Variants in DCAF8L2 observed in about 807,000 individuals in gnomAD.
DCAF8L2 encodes the protein DDB1- and CUL4-associated factor 8-like protein 2.
For synonymous variants in DCAF8L2, 200 were observed against 190.9 expected (o/e 1.05, Z -0.39); for missense variants, 430 against 490.7 (o/e 0.88, Z 1.17).
chrX:27,645,853 A>G lies in DCAF8L2; in HGVS notation c.-220+13853A>G, dbSNP rs371521983. 9.9e-5 allele frequency among the ~76,000 whole-genome samples: 11 copies of G among 111,244 alleles called. No homozygotes were observed. The East Asian group carries it at 2.3e-3, about 23-fold the overall frequency. On this transcript the variant is annotated intron_variant, in intron 2 of 4. Transcript: ENST00000451261. ...GAATAAAACACCTAGGAACGCAGCT[A>G]ACAAAGGAAGTGAAGGACCTCTTCA...
At chrX:27,597,816 C>T in intron 1 of DCAF8L2, among the ~76,000 whole-genome samples, 1 of 112,286 alleles carries the variant, frequency 8.9e-6, no homozygotes, top group East Asian at 2.8e-4. Context: ...AGCCACGCTA[C>T]TTAGGTCAGA....
the DCAF8L2 span, among the ~76,000 whole-genome samples, chrX:27,580,506 C>T: frequency 9.0e-6 from 1 of 111,172 alleles, no homozygotes; most frequent in Non-Finnish European, 1.9e-5. Context: ...CTGTGCTGGA[C>T]ACTGAAAAAG....
At chrX:27,603,355 T>C (rs776614025) in intron 1 of DCAF8L2, among the ~76,000 whole-genome samples, 2 of 111,871 alleles carry the variant, frequency 1.8e-5, no homozygotes, top group African/African-American at 6.5e-5. Context: ...ACTATATTTT[T>C]GGCCTACAAA....
At chrX:27,511,828 G>A in the DCAF8L2 span, among the ~76,000 whole-genome samples, 1 of 112,233 alleles carries the variant, frequency 8.9e-6, no homozygotes, top group Admixed American at 9.5e-5. Flanking sequence ...GTGAAGACAA[G>A]AGTGGTTAAA....
intron 4 of DCAF8L2, among the ~76,000 whole-genome samples, chrX:27,735,184 T>G (rs1320896662): frequency 8.9e-6 from 1 of 111,940 alleles, no homozygotes; most frequent in Non-Finnish European, 1.9e-5. Context: ...TCTTTCTAAC[T>G]TTAAAATGAT....
At chrX:27,657,633 G>A (rs1929402140) in intron 2 of DCAF8L2, among the ~76,000 whole-genome samples, 1 of 111,665 alleles carries the variant, frequency 9.0e-6, no homozygotes. Flanking sequence ...CAAAAGTTCT[G>A]CTGAAATAAT....
At chrX:27,672,849 C>T (rs5971428) in intron 2 of DCAF8L2, among the ~76,000 whole-genome samples, 2,047 of 111,864 alleles carry the variant, frequency 0.018, 47 homozygotes, top group African/African-American at 0.061. Context: ...TTTGAATTTC[C>T]AGTTGGAGTG....
chrX:27,492,595 T>C, the DCAF8L2 span, among the ~76,000 whole-genome samples: 1 of 109,036 alleles, frequency 9.2e-6, no homozygotes, highest in Non-Finnish European at 1.9e-5. Context: ...TTCTCCTGCC[T>C]CAGCCTCCCA....
the DCAF8L2 span, among the ~76,000 whole-genome samples, chrX:27,479,002 C>T: frequency 2.7e-5 from 3 of 111,186 alleles, no homozygotes; most frequent in East Asian, 8.6e-4. Flanking sequence ...TAGAATATGA[C>T]AAAAGTGAGG....
chrX:27,530,006 A>G, the DCAF8L2 span, among the ~76,000 whole-genome samples: 1 of 112,134 alleles, frequency 8.9e-6, no homozygotes, highest in African/African-American at 3.2e-5. Flanking sequence ...GTGAAATTAA[A>G]TAGAAGCTTG....
At chrX:27,514,196 A>G in the DCAF8L2 span, among the ~76,000 whole-genome samples, 1 of 81,042 alleles carries the variant, frequency 1.2e-5, no homozygotes, top group Non-Finnish European at 2.3e-5. Context: ...CCGTGCACAC[A>G]TATGTACATG....
chrX:27,712,229 T>C (rs1234977583), intron 3 of DCAF8L2, among the ~76,000 whole-genome samples: 1 of 111,856 alleles, frequency 8.9e-6, no homozygotes, highest in African/African-American at 3.2e-5. Flanking sequence ...ATCTGTTGAC[T>C]GTCTTTTCCT....
chrX:27,539,441 G>A, the DCAF8L2 span, among the ~76,000 whole-genome samples: 1 of 111,119 alleles, frequency 9.0e-6, no homozygotes, highest in Non-Finnish European at 1.9e-5. Flanking sequence ...AAAAACTAGA[G>A]GGAGAGACAA....
the DCAF8L2 span, among the ~76,000 whole-genome samples, chrX:27,577,521 T>C: frequency 8.9e-6 from 1 of 111,835 alleles, no homozygotes; most frequent in Non-Finnish European, 1.9e-5. Flanking sequence ...ATGTAAATAT[T>C]AAAGACATAA....
chrX:27,611,242 T>A (rs1927149853), intron 1 of DCAF8L2, among the ~76,000 whole-genome samples: 1 of 110,965 alleles, frequency 9.0e-6, no homozygotes, highest in African/African-American at 3.3e-5. Flanking sequence ...TCTAAGCGAT[T>A]TTTATGGATC....
At chrX:27,548,762 A>C in the DCAF8L2 span, among the ~76,000 whole-genome samples, 1 of 112,082 alleles carries the variant, frequency 8.9e-6, no homozygotes, top group Non-Finnish European at 1.9e-5. Flanking sequence ...CAATCACAAT[A>C]ATCTCTATCT....
intron 2 of DCAF8L2, among the ~76,000 whole-genome samples, chrX:27,653,725 T>TACACACAC (rs34651746): frequency 0.044 from 4,070 of 91,958 alleles, 79 homozygotes; most frequent in African/African-American, 0.076. Context: ...CAGATATGTA[T>TACACACAC]ACACACACAC....
At chrX:27,500,705 T>G in the DCAF8L2 span, among the ~76,000 whole-genome samples, 1 of 111,505 alleles carries the variant, frequency 9.0e-6, no homozygotes, top group East Asian at 2.8e-4. Flanking sequence ...AAAAACGAGG[T>G]AAGTCTCAAA....
chrX:27,724,833 A>T (rs1213672237), intron 4 of DCAF8L2, among the ~76,000 whole-genome samples: 1 of 110,599 alleles, frequency 9.0e-6, no homozygotes, highest in Non-Finnish European at 1.9e-5. Flanking sequence ...TTTATTTCAA[A>T]TTCAGCCATC....
Sources: gnomAD v4.1 joint callset for allele counts (sites outside exome capture counted in the v4.1 genomes callset) on GRCh38, gnomAD v4.1.1 for gene constraint, MANE v1.5 for transcripts, NCBI Gene and HGNC (gene_info 2026-07-23, HGNC 2026-07-21) for gene names.